Variants in UXS1 observed in about 807,000 individuals in gnomAD.
UXS1 encodes the protein UDP-glucuronate decarboxylase 1, also known as UDP-glucuronic acid decarboxylase 1.
In UXS1, 33 loss-of-function variants were observed where a neutral mutation model predicts 62.6. The ratio of observed to expected loss-of-function variants is 0.53; its 90% CI spans 0.40 to 0.70. UXS1 has a LOEUF of 0.70. Ranked by LOEUF, UXS1 falls within the 30% of genes least tolerant of loss-of-function variation. The probability of loss-of-function intolerance (pLI) is 0.00; values close to 1 mark genes in which losing one functional copy is unlikely to be tolerated. For missense variants in UXS1, 434 were observed against 556.3 expected (o/e 0.78, Z 2.21); for synonymous variants, 213 against 206.8 (o/e 1.03, Z -0.26).
At chr2:106,162,689 A>AT (rs1682970730) in intron 4 of UXS1, among the ~76,000 whole-genome samples, 1 of 152,260 alleles carries the variant, frequency 6.6e-6, no homozygotes, top group Non-Finnish European at 1.5e-5. Flanking sequence ...TAACAACCTT[A>AT]TATTACTAAG....
chr2:106,099,271 C>T (rs1432924700), intron 12 of UXS1, among the ~76,000 whole-genome samples: 3 of 152,154 alleles, frequency 2.0e-5, no homozygotes, highest in African/African-American at 7.2e-5. Context: ...GGACAAACTC[C>T]ATGCATTTCA....
chr2:106,136,941 G>T (rs1186839853), intron 6 of UXS1, among the ~76,000 whole-genome samples: 1 of 94,038 alleles, frequency 1.1e-5, no homozygotes. Context: ...AAAAAAAAAA[G>T]AATGGAGAAG....
At chr2:106,189,602 A>T (rs1436404855) in intron 1 of UXS1, among the ~76,000 whole-genome samples, 2 of 152,170 alleles carry the variant, frequency 1.3e-5, no homozygotes, top group Non-Finnish European at 2.9e-5. Flanking sequence ...TCAGGGAGTG[A>T]GGAAGGGAGG....
chr2:106,179,942 C>T (rs1302308069), intron 1 of UXS1, among the ~76,000 whole-genome samples: 3 of 152,068 alleles, frequency 2.0e-5, no homozygotes, highest in Non-Finnish European at 4.4e-5. Flanking sequence ...CCCATCTCTA[C>T]TAAAAAAAAT....
At chr2:106,166,625 T>C (rs1195073420) in intron 1 of UXS1, 2 of 152,914 alleles carry the variant, frequency 1.3e-5, no homozygotes, top group African/African-American at 4.8e-5. Context: ...CTCTGAGCTG[T>C]TTTTCTTTTC....
intron 5 of UXS1, among the ~76,000 whole-genome samples, chr2:106,150,617 A>C (rs1224924058): frequency 6.6e-6 from 1 of 152,202 alleles, no homozygotes; most frequent in African/African-American, 2.4e-5. Flanking sequence ...TAATTCTGCA[A>C]GTGTGCAGAA....
intron 1 of UXS1, among the ~76,000 whole-genome samples, chr2:106,187,323 G>C (rs1684623920): frequency 6.6e-6 from 1 of 152,088 alleles, no homozygotes; most frequent in Non-Finnish European, 1.5e-5. Context: ...GGTCAGCCTG[G>C]GAATGCCACC....
intron 7 of UXS1, among the ~76,000 whole-genome samples, chr2:106,127,368 T>C (rs1023658472): frequency 2.6e-5 from 4 of 152,234 alleles, no homozygotes; most frequent in Admixed American, 2.0e-4. Context: ...ACCTGAGTTC[T>C]TTCTAGTTTA....
At chr2:106,102,456 T>C (rs1677672984) in intron 11 of UXS1, 1 of 152,328 alleles carries the variant, frequency 6.6e-6, no homozygotes, top group East Asian at 1.9e-4. Flanking sequence ...CATGACAAAC[T>C]GGCAACTTTT....
At chr2:106,115,600 T>C (rs764566115) in intron 9 of UXS1, among the ~76,000 whole-genome samples, 1 of 152,062 alleles carries the variant, frequency 6.6e-6, no homozygotes, top group African/African-American at 2.4e-5. Context: ...AATGGAAACT[T>C]AGGATGGATG....
chr2:106,098,781 A>G lies in UXS1; in HGVS notation c.985-8T>C, dbSNP rs1206781283. On this transcript the variant is annotated splice_polypyrimidine_tract_variant and splice_region_variant and intron_variant, in intron 12 of 14. Transcript: ENST00000283148. ...GTGTTCTTCTGGGTTCCCCTAAGAAAGAAACGGTTTCCAGTTATAAGCGTC... is the reference window on the plus strand; with the variant it reads ...GTGTTCTTCTGGGTTCCCCTAAGAAGGAAACGGTTTCCAGTTATAAGCGTC... 6.2e-7 allele frequency: 1 copy of G among 1,611,068 alleles called. No individual in the cohort carries two copies. The highest frequency in any genetic ancestry group is 1.1e-5 in the South Asian group (1 of 90,458).
chr2:106,163,432 T>C (rs1683024740), intron 4 of UXS1, among the ~76,000 whole-genome samples: 1 of 152,258 alleles, frequency 6.6e-6, no homozygotes, highest in South Asian at 2.1e-4. Flanking sequence ...CCTCAACTTC[T>C]ATGTAATAAA....
chr2:106,114,202 T>C (rs556811076), intron 9 of UXS1, among the ~76,000 whole-genome samples: 1 of 152,168 alleles, frequency 6.6e-6, no homozygotes, highest in Non-Finnish European at 1.5e-5. Flanking sequence ...TTAAGTGTGC[T>C]GTGATATGAA....
intron 6 of UXS1, among the ~76,000 whole-genome samples, chr2:106,140,409 A>G (rs1234045625): frequency 6.6e-6 from 1 of 152,248 alleles, no homozygotes; most frequent in Non-Finnish European, 1.5e-5. Flanking sequence ...AAATTTCTAA[A>G]TGATACTTCA....
chr2:106,164,759 T>C lies in UXS1; in HGVS notation c.163A>G (p.Lys55Glu). ...ACCTCTTCAATCTTGCTTTCAATTTTTAGTTCACCATTTTCCTGGATAGAC... is the reference window on the plus strand; with the variant it reads ...ACCTCTTCAATCTTGCTTTCAATTTCTAGTTCACCATTTTCCTGGATAGAC... ...NRSIQENGEL[K>E]IESKIEEMVE... The change falls in exon 3 of 15, where the codon AAA (lysine) becomes GAA (glutamate). Residue 55 changes from lysine (K) to glutamate (E), a missense_variant. By Grantham distance (56) the Lys-to-Glu change is moderately conservative. This residue lies in a region of UXS1 where 91 missense variants were observed against 71.1 expected (regional missense o/e 1.28). Coordinates refer to ENST00000283148, the MANE Select transcript of UXS1 (RefSeq NM_001253875.2). The C allele has an allele frequency of 6.3e-7, 1 of 1,590,118 alleles. No individual in the cohort carries two copies. The highest frequency in any genetic ancestry group is 1.1e-5 in the South Asian group (1 of 87,054).
chr2:106,179,645 T>C (rs1308809173), intron 1 of UXS1: 4 of 152,250 alleles, frequency 2.6e-5, no homozygotes, highest in Non-Finnish European at 5.9e-5. Flanking sequence ...GGTTTCACTC[T>C]TATTCAAGAA....
intron 10 of UXS1, among the ~76,000 whole-genome samples, chr2:106,111,771 G>T (rs2104880975): frequency 6.6e-6 from 1 of 152,296 alleles, no homozygotes; most frequent in South Asian, 2.1e-4. Flanking sequence ...CTTCCCCCTG[G>T]AATACACTCA....
chr2:106,143,334 G>A (rs1186995462), intron 6 of UXS1, among the ~76,000 whole-genome samples: 5 of 138,260 alleles, frequency 3.6e-5, no homozygotes, highest in East Asian at 2.4e-4. Context: ...GCGTGAACCC[G>A]GGAGGCAGAG....
At chr2:106,169,872 G>A (rs547253974) in intron 1 of UXS1, among the ~76,000 whole-genome samples, 16 of 152,026 alleles carry the variant, frequency 1.1e-4, no homozygotes, top group African/African-American at 3.1e-4. Context: ...AGCAGGTGAC[G>A]CCCATGCTTC....
Sources: allele counts gnomAD v4.1 joint callset (sites outside exome capture counted in the v4.1 genomes callset), GRCh38; gene constraint gnomAD v4.1.1; regional missense constraint gnomAD v4.1.1; transcripts MANE v1.5; gene names NCBI Gene and HGNC (gene_info 2026-07-23, HGNC 2026-07-21).